ADORA2B: variants seen among roughly 807,000 people sequenced by gnomAD.
ADORA2B encodes adenosine receptor A2b.
In ADORA2B, 18 loss-of-function variants were observed where a neutral mutation model predicts 20.8. The observed-to-expected ratio is 0.87, with a 90% CI of 0.60 to 1.29. The LOEUF (loss-of-function observed/expected upper bound fraction) is 1.29. Among genes scored for constraint, ADORA2B ranks in the 50% most tolerant of loss-of-function variants. The pLI is 0.00. For synonymous variants in ADORA2B, 179 were observed against 178.3 expected, an observed-to-expected ratio of 1.00 and a Z score of -0.03; for missense variants, 441 against 422.7, an observed-to-expected ratio of 1.04 and a Z score of -0.38.
chr17:15,862,002 C>T, the ADORA2B span, among the ~76,000 whole-genome samples: 28 of 151,956 alleles, frequency 1.8e-4, no homozygotes, highest in Non-Finnish European at 7.4e-5. Context: ...TGTTTTAGTC[C>T]GTGCCTTAGC....
intron 1 of ADORA2B, among the ~76,000 whole-genome samples, chr17:15,961,558 T>C (rs1244787474): frequency 6.6e-6 from 1 of 152,266 alleles, no homozygotes; most frequent in East Asian, 1.9e-4. Flanking sequence ...GATTCTTGCC[T>C]GAATGAGTTA....
At chr17:15,944,977 C>A (rs548184733), upstream of ADORA2B, 27 of 264,284 alleles carry the variant, frequency 1.0e-4, no homozygotes, top group South Asian at 4.6e-3. This position sits in a 1 kb window ranked among gnomAD's most constrained non-coding sequence, Gnocchi z 4.8. Context: ...ACCGGAGGGG[C>A]CCCGCGCGGG....
chr17:15,944,984 C>G, upstream of ADORA2B: 1 of 269,654 alleles, frequency 3.7e-6, no homozygotes, highest in Non-Finnish European at 6.9e-6. The surrounding 1 kb of genome is among the most constrained non-coding windows in gnomAD (Gnocchi z 4.8). Flanking sequence ...GGGCCCCGCG[C>G]GGGCGCGAAC....
chr17:15,851,675 C>G, the ADORA2B span, among the ~76,000 whole-genome samples: 46 of 152,286 alleles, frequency 3.0e-4, no homozygotes, highest in African/African-American at 8.9e-4. Flanking sequence ...GCTTTAAGGA[C>G]TTTGGCAAAT....
At chr17:15,900,870 G>A in the ADORA2B span, among the ~76,000 whole-genome samples, 1 of 152,200 alleles carries the variant, frequency 6.6e-6, no homozygotes, top group Admixed American at 6.5e-5. Flanking sequence ...TAAGGAAAGC[G>A]TCTTAGCCAG....
At chr17:15,964,884 A>G (rs1255895716) in intron 1 of ADORA2B, among the ~76,000 whole-genome samples, 7 of 151,946 alleles carry the variant, frequency 4.6e-5, no homozygotes, top group African/African-American at 1.7e-4. Flanking sequence ...ACACGGTGAA[A>G]CCCCGTCTCT....
the ADORA2B span, among the ~76,000 whole-genome samples, chr17:15,907,257 TTCAC>T: frequency 2.0e-5 from 3 of 152,188 alleles, no homozygotes; most frequent in African/African-American, 7.2e-5. Flanking sequence ...CGTGGAATGT[TTCAC>T]TCCTTTCCCA....
chr17:15,903,778 G>A, the ADORA2B span, among the ~76,000 whole-genome samples: 4 of 152,134 alleles, frequency 2.6e-5, no homozygotes, highest in Non-Finnish European at 1.5e-5. Context: ...GAGAGTTCCT[G>A]TTGCCCCCAC....
intron 1 of ADORA2B, among the ~76,000 whole-genome samples, chr17:15,960,303 C>T (rs4544275): frequency 0.87 from 50,235 of 57,852 alleles, 23,011 homozygotes; most frequent in Non-Finnish European, 0.99. Context: ...GCCTGTAATC[C>T]CAGCACTTTG....
At chr17:15,901,296 T>C in the ADORA2B span, among the ~76,000 whole-genome samples, 1 of 152,076 alleles carries the variant, frequency 6.6e-6, no homozygotes, top group African/African-American at 2.4e-5. Context: ...AGAAGCCCTG[T>C]CTCTACTAAA....
intron 1 of ADORA2B, among the ~76,000 whole-genome samples, chr17:15,958,137 G>A (rs1164436031): frequency 6.6e-6 from 1 of 151,806 alleles, no homozygotes; most frequent in East Asian, 1.9e-4. Flanking sequence ...TCCTGCCTCA[G>A]CCTCGCGAGT....
the ADORA2B span, among the ~76,000 whole-genome samples, chr17:15,868,138 C>T: frequency 7.1e-6 from 1 of 141,784 alleles, no homozygotes; most frequent in Non-Finnish European, 1.5e-5. Context: ...AAGGGCGGTG[C>T]AAGATGTGCT....
At position 15,974,904 on chromosome 17, in the gene ADORA2B, C is replaced by A. The variant is rs913876684; in HGVS notation, c.561C>A (p.Phe187Leu). ...VPMSYMVYFN[F>L]FGCVLPPLLI... ...TGAGCTACATGGTATATTTCAATTT[C>A]TTTGGGTGTGTTCTGCCCCCACTGC... The change falls in exon 2 of 2, where the codon TTC (phenylalanine) becomes TTA (leucine). Residue 187 changes from phenylalanine to leucine, a missense_variant. Physicochemically the swap from Phe to Leu is conservative, Grantham distance 22. Transcript: ENST00000304222. 12 of 1,614,052 alleles carry A rather than the reference C, an allele frequency of 7.4e-6. No individual in the cohort carries two copies. The highest frequency in any genetic ancestry group is 8.5e-6 in the Non-Finnish European group (10 of 1,180,044).
intron 1 of ADORA2B, among the ~76,000 whole-genome samples, chr17:15,956,397 C>G (rs577058052): frequency 3.3e-5 from 5 of 152,146 alleles, no homozygotes; most frequent in African/African-American, 1.2e-4. Context: ...GACATCTGTT[C>G]TTTTCTTAAT....
In ADORA2B at chr17:15,945,172, C is replaced by A. The variant is rs1360980053; in HGVS notation, c.-77C>A. 1 of 1,271,790 alleles carries A rather than the reference C, an allele frequency of 7.9e-7. No homozygotes were observed. Among genetic ancestry groups the A allele is most frequent in the Non-Finnish European group, 1.0e-6 (1 of 988,346 alleles). The allele number at this position is 1,271,790 out of a possible 1,614,324, so 78.8% of individuals were successfully genotyped here. A position where few individuals can be genotyped will look rare whatever the true frequency, so the allele number is the denominator to read the frequency against. On this transcript the variant is annotated 5_prime_UTR_variant, in exon 1 of 2. Transcript: ENST00000304222. ...GCGCGGTCCGGGCGCTATGGCCATG[C>A]CCGGCGGGTCTCACGCGGCTGCCCC...
chr17:15,940,543 A>G (rs1217715856), upstream of ADORA2B, among the ~76,000 whole-genome samples: 1 of 152,198 alleles, frequency 6.6e-6, no homozygotes, highest in East Asian at 1.9e-4. Context: ...GATGTGTGCC[A>G]TCTTTATGTA....
the ADORA2B span, among the ~76,000 whole-genome samples, chr17:15,879,444 C>A: frequency 1.3e-5 from 2 of 151,514 alleles, no homozygotes; most frequent in Non-Finnish European, 2.9e-5. Context: ...CAGAGTGAGT[C>A]CCTGACTTTA....
the ADORA2B span, among the ~76,000 whole-genome samples, chr17:15,880,699 G>A: frequency 2.0e-5 from 3 of 152,190 alleles, no homozygotes; most frequent in East Asian, 1.9e-4. Flanking sequence ...CCACACCAGC[G>A]TTTTGTGGCA....
upstream of ADORA2B, among the ~76,000 whole-genome samples, chr17:15,944,604 G>C (rs1969773731): frequency 6.6e-6 from 1 of 151,914 alleles, no homozygotes; most frequent in South Asian, 2.1e-4. This position sits in a 1 kb window ranked among gnomAD's most constrained non-coding sequence, Gnocchi z 4.8. Flanking sequence ...CTTGCAGTCC[G>C]GCCCCGCAGC....
Sources: allele counts gnomAD v4.1 joint callset (sites outside exome capture counted in the v4.1 genomes callset), GRCh38; gene constraint gnomAD v4.1.1; non-coding constraint Gnocchi (gnomAD v3.1); transcripts MANE v1.5; gene names NCBI Gene and HGNC (gene_info 2026-07-23, HGNC 2026-07-21).